Variants in CRYBG2 observed in about 807,000 individuals in gnomAD.
CRYBG2 encodes crystallin beta-gamma domain containing 2, also known as beta/gamma crystallin domain-containing protein 2.
Under a neutral mutation model 153.4 loss-of-function variants are expected in CRYBG2, and 106 were observed. The ratio of observed to expected loss-of-function variants is 0.69; its 90% CI spans 0.59 to 0.81. CRYBG2 has a LOEUF of 0.81. CRYBG2 is among the 30% of genes least tolerant of loss of function. The probability of loss-of-function intolerance (pLI) is 0.00; values close to 1 mark genes in which losing one functional copy is unlikely to be tolerated. For missense variants in CRYBG2, 1,996 were observed against 2,112.0 expected (o/e 0.95, Z 1.08); for synonymous variants, 851 against 877.8 (o/e 0.97, Z 0.54).
At chr1:26,327,701 C>T (rs1436555550) in intron 17 of CRYBG2, among the ~76,000 whole-genome samples, 1 of 150,748 alleles carries the variant, frequency 6.6e-6, no homozygotes, top group South Asian at 2.1e-4. Flanking sequence ...AATCCCAGCA[C>T]TTTGGGAGGC....
chr1:26,334,999 T>C (rs2074037659), intron 14 of CRYBG2, among the ~76,000 whole-genome samples: 1 of 152,138 alleles, frequency 6.6e-6, no homozygotes. Flanking sequence ...TGGTTTTTAC[T>C]ATTAGTTGTA....
chr1:26,339,716 A>G (rs1275354835), intron 5 of CRYBG2, among the ~76,000 whole-genome samples: 1 of 151,906 alleles, frequency 6.6e-6, no homozygotes, highest in African/African-American at 2.4e-5. Flanking sequence ...AGCCTGGGCA[A>G]TAAGAGTGAA....
chr1:26,345,745 T>C lies in CRYBG2; in HGVS notation c.913A>G (p.Asn305Asp), dbSNP rs2074207504. ...GGACAGGCTGCAGGGGCATCCTGAT[T>C]CTTAGGCAGGTGAGCACTGGCTGGG... ...GIPASAHLPKNQDAPAACPDR... is the reference protein window; with the variant it reads ...GIPASAHLPKDQDAPAACPDR... Residue 305 changes from asparagine (N) to aspartate (D), a missense_variant, in exon 2 of 20, where the codon AAT becomes GAT. By Grantham distance (23) the Asn-to-Asp change is conservative. Transcript: ENST00000308182. The C allele has an allele frequency of 1.9e-5, 30 of 1,597,378 alleles. No homozygotes were observed. The highest frequency in any genetic ancestry group is 2.5e-5 in the Non-Finnish European group (30 of 1,179,124).
At chr1:26,335,138 A>G (rs1039785137) in intron 14 of CRYBG2, among the ~76,000 whole-genome samples, 4 of 151,320 alleles carry the variant, frequency 2.6e-5, no homozygotes, top group Admixed American at 6.6e-5. Flanking sequence ...AAAAAAATGT[A>G]CAAAATGATC....
At position 26,328,879 on chromosome 1, in the gene CRYBG2, G is replaced by A; in HGVS notation, c.4315-6C>T. The A allele has an allele frequency of 6.2e-7, 1 of 1,613,828 alleles. No homozygotes were observed. On this transcript the variant is annotated splice_polypyrimidine_tract_variant and splice_region_variant and intron_variant, in intron 15 of 19. Coordinates refer to ENST00000308182, the MANE Select transcript of CRYBG2 (RefSeq NM_001039775.4). ...ATGGAAGGCTCTGAAAAGTGCTGGG[G>A]CCCAGGAGACAGAAGAGGGTGAGGC...
In CRYBG2 at chr1:26,346,068, G is replaced by A; in HGVS notation, c.590C>T (p.Thr197Ile). The A allele has an allele frequency of 6.3e-7, 1 of 1,585,592 alleles. No homozygotes were observed. The highest frequency in any genetic ancestry group is 8.5e-7 in the Non-Finnish European group (1 of 1,171,690). Residue 197 changes from threonine to isoleucine, a missense_variant, in exon 2 of 20, where the codon ACT becomes ATT. Physicochemically the swap from Thr to Ile is moderately conservative, Grantham distance 89 (BLOSUM62 -1). Transcript: ENST00000308182. This position sits in a 1 kb window ranked among gnomAD's most constrained non-coding sequence, Gnocchi z 4.9. ...HVDRRMSSSV[T>I]VRPVSSGEAL... The stretch of plus-strand genomic sequence containing the variant: ...CTCGCCTGAGGACACTGGCCTCACA[G>A]TCACAGAGCTGCTCATCCGCCGGTC...
chr1:26,327,302 A>G (rs924227822), intron 17 of CRYBG2, among the ~76,000 whole-genome samples: 2 of 152,004 alleles, frequency 1.3e-5, no homozygotes, highest in African/African-American at 4.8e-5. Context: ...CCTCGTCTCT[A>G]CTAAAAATAC....
At position 26,336,314 on chromosome 1, in the gene CRYBG2, C is replaced by T; in HGVS notation, c.4071+24G>A. ...GAGGGGAGAGACGTGAGCCCAGCGGCTCCCTGCGGAGTCCCTGCCTTACCT... is the reference window on the plus strand; with the variant it reads ...GAGGGGAGAGACGTGAGCCCAGCGGTTCCCTGCGGAGTCCCTGCCTTACCT... On this transcript the variant is annotated intron_variant, in intron 13 of 19. Transcript: ENST00000308182. The surrounding 1 kb of genome is among the most constrained non-coding windows in gnomAD (Gnocchi z 4.9). 1.2e-6 allele frequency: 2 copies of T among 1,612,912 alleles called. No homozygotes were observed.
chr1:26,323,061 C>T (rs1357498752), intron 18 of CRYBG2, among the ~76,000 whole-genome samples: 1 of 150,614 alleles, frequency 6.6e-6, no homozygotes, highest in Non-Finnish European at 1.5e-5. Context: ...GGCTCCCCTA[C>T]CATACCTGAT....
rs772125080 is a variant in CRYBG2, at chr1:26,344,074, G to C, written c.2584C>G (p.Pro862Ala). The change falls in exon 2 of 20, where the codon CCT becomes GCT. Residue 862 changes from proline to alanine, a missense_variant. By Grantham distance (27) the Pro-to-Ala change is conservative (BLOSUM62 -1). Transcript: ENST00000308182. Reference protein sequence around the residue: ...AGPSPSRDLHPARPTQVSCSP... With the variant: ...AGPSPSRDLHAARPTQVSCSP... ...CAGGAGACCTGGGTGGGTCTGGCAG[G>C]GTGGAGGTCCCTGGAGGGGCTGGGC... The C allele has an allele frequency of 1.3e-6, 2 of 1,536,166 alleles. No homozygotes were observed. Among genetic ancestry groups the C allele is most frequent in the South Asian group, 2.4e-5 (2 of 84,064 alleles).
intron 15 of CRYBG2, 77 bp from the exon 16 acceptor site, chr1:26,328,950 C>A: frequency 6.4e-7 from 1 of 1,572,088 alleles, no homozygotes; most frequent in East Asian, 2.3e-5. Flanking sequence ...CCCAGACACC[C>A]TGACTCCCAG....
Position 26,344,519 on chromosome 1 carries a change from G to A in CRYBG2, c.2139C>T (p.Asp713=), listed in dbSNP as rs2074179280. 2.6e-6 allele frequency: 4 copies of A among 1,545,020 alleles called. No individual in the cohort carries two copies. The East Asian group carries it at 9.8e-5, about 38-fold the overall frequency. ...TGCCTCCTGGGCTGGGGGACACCCT[G>A]TCCACTGAGGAAGATGGGGCAGGGA... The part of the protein sequence containing the change: ...DALPAPSSSV[D]RVSPSPGGTP... The change falls in exon 2 of 20, where the codon GAC becomes GAT. Residue 713 remains aspartate (D), a synonymous_variant. Coordinates refer to ENST00000308182, the MANE Select transcript of CRYBG2 (RefSeq NM_001039775.4).
intron 14 of CRYBG2, among the ~76,000 whole-genome samples, chr1:26,335,779 G>C (rs998629141): frequency 6.6e-6 from 1 of 152,098 alleles, no homozygotes; most frequent in Non-Finnish European, 1.5e-5. Context: ...TTGTAGCTAC[G>C]TGGGGAAAAT....
At chr1:26,331,645 A>G (rs1428941719) in intron 14 of CRYBG2, 27 bp from the exon 15 acceptor site, 2 of 1,611,448 alleles carry the variant, frequency 1.2e-6, no homozygotes, top group Admixed American at 3.3e-5. Context: ...AATGGAGGGT[A>G]TCTGAGCCTA....
In CRYBG2 at chr1:26,337,340, C is replaced by T. The variant is rs778871229; in HGVS notation, c.3684G>A (p.Gln1228=). The stretch of plus-strand genomic sequence containing the variant: ...GGTATTCCCCCTCCTCCAGCAGATA[C>T]TGGTGGCCCCGGAAGCCCTCCTTCT... The part of the protein sequence containing the change: ...GYEKEGFRGH[Q]YLLEEGEYPD... The change falls in exon 10 of 20, where the codon CAG becomes CAA. Residue 1228 remains glutamine (Q), a synonymous_variant. Transcript: ENST00000308182. The T allele has an allele frequency of 6.2e-7, 1 of 1,614,032 alleles. No homozygotes were observed. The highest frequency in any genetic ancestry group is 8.5e-7 in the Non-Finnish European group (1 of 1,179,960).
At chr1:26,352,331 C>T (rs12124895) in intron 1 of CRYBG2, among the ~76,000 whole-genome samples, 12,035 of 152,182 alleles carry the variant, frequency 0.079, 518 homozygotes, top group Non-Finnish European at 0.093. Context: ...CAAACACGCA[C>T]AGGCACTCAG....
In CRYBG2 at chr1:26,324,285, T is replaced by C; in HGVS notation, c.4604A>G (p.Asn1535Ser). 1 of 1,609,544 alleles carries C rather than the reference T, an allele frequency of 6.2e-7. No individual in the cohort carries two copies. Among genetic ancestry groups the C allele is most frequent in the Middle Eastern group, 1.7e-4 (1 of 6,056 alleles). ...KQRRVYFRLW[N>S]AALGGFLAVP... is the part of the protein sequence containing the mutation. ...TGCCAGGAATCCCCCCAGTGCTGCATTCCAGAGGCGGAAATAAACCCGGCG... is the reference window on the plus strand; with the variant it reads ...TGCCAGGAATCCCCCCAGTGCTGCACTCCAGAGGCGGAAATAAACCCGGCG... Residue 1535 changes from asparagine (N) to serine (S), a missense_variant, in exon 18 of 20, where the codon AAT (asparagine) becomes AGT (serine). Coordinates refer to ENST00000308182, the MANE Select transcript of CRYBG2 (RefSeq NM_001039775.4).
At chr1:26,322,432 C>A in intron 18 of CRYBG2, 109 bp from the exon 19 acceptor site, 2 of 1,296,876 alleles carry the variant, frequency 1.5e-6, no homozygotes, top group Non-Finnish European at 1.0e-6. Context: ...GGGACTGTGG[C>A]CCTGGGCAAG....
intron 15 of CRYBG2, among the ~76,000 whole-genome samples, chr1:26,331,039 C>T (rs1201206917): frequency 3.9e-5 from 6 of 152,226 alleles, no homozygotes; most frequent in African/African-American, 1.4e-4. Context: ...GTAGCAGCAA[C>T]CCCACTGCCT....
Sources: allele counts gnomAD v4.1 joint callset (sites outside exome capture counted in the v4.1 genomes callset), GRCh38; gene constraint gnomAD v4.1.1; non-coding constraint Gnocchi (gnomAD v3.1); transcripts MANE v1.5; gene names NCBI Gene and HGNC (gene_info 2026-07-23, HGNC 2026-07-21).